ADAMTS15: variants seen among roughly 807,000 people sequenced by gnomAD.
The protein encoded by ADAMTS15 is ADAM metallopeptidase with thrombospondin type 1 motif 15, also known as A disintegrin and metalloproteinase with thrombospondin motifs 15.
A neutral mutation model predicts 79.1 loss-of-function variants in ADAMTS15; 35 were observed. The ratio of observed to expected loss-of-function variants is 0.44; its 90% CI spans 0.34 to 0.59. The LOEUF (loss-of-function observed/expected upper bound fraction) is 0.59. Ranked by LOEUF, ADAMTS15 falls within the 20% of genes least tolerant of loss-of-function variation. The pLI is 0.02. For synonymous variants in ADAMTS15, 616 were observed against 567.3 expected (o/e 1.09, Z -1.22); for missense variants, 1,324 against 1,318.7 (o/e 1.00, Z -0.06).
chr11:130,449,520 G>C lies in ADAMTS15; in HGVS notation c.547G>C (p.Ala183Pro), dbSNP rs1261325377. The stretch of plus-strand genomic sequence containing the variant: ...CGGGGTGGCCTCGGGCTGGAACCCC[G>C]CCATCCTACGGGCCCTGGACCCTTA... ...RCGVASGWNP[A>P]ILRALDPYKP... Residue 183 changes from alanine to proline, a missense_variant, in exon 1 of 8, where the codon GCC (alanine) becomes CCC (proline). By Grantham distance (27) the Ala-to-Pro change is conservative. Coordinates refer to ENST00000299164, the MANE Select transcript of ADAMTS15 (RefSeq NM_139055.4). This position sits in a 1 kb window ranked among gnomAD's most constrained non-coding sequence, Gnocchi z 7.8. 1.3e-6 allele frequency: 2 copies of C among 1,558,498 alleles called. No homozygotes were observed. The highest frequency in any genetic ancestry group is 3.6e-5 in the Admixed American group (2 of 55,700).
At chr11:130,450,573 G>A (rs1169563631) in intron 1 of ADAMTS15, among the ~76,000 whole-genome samples, 1 of 152,150 alleles carries the variant, frequency 6.6e-6, no homozygotes, top group African/African-American at 2.4e-5. Context: ...TTCTCTGCTG[G>A]GCATGGTCCA....
rs529278320 is a variant in ADAMTS15, at chr11:130,472,044, G to T, written c.2078+661G>T. 4.6e-5 allele frequency among the ~76,000 whole-genome samples: 7 copies of T among 152,368 alleles called. No homozygotes were observed. The East Asian group carries it at 7.7e-4, about 17-fold the overall frequency. On this transcript the variant is annotated intron_variant, in intron 7 of 7. Transcript: ENST00000299164. This position sits in a 1 kb window ranked among gnomAD's most constrained non-coding sequence, Gnocchi z 4.7. ...CCCTGGGCATCTAGTCCCAACTTCAGAATCTGGGCCTCCCAGCTTGAGCTT... is the reference window on the plus strand; with the variant it reads ...CCCTGGGCATCTAGTCCCAACTTCATAATCTGGGCCTCCCAGCTTGAGCTT...
chr11:130,471,125 AC>A (rs758569901), intron 6 of ADAMTS15, 24 bp downstream of exon 6: 1 of 1,605,208 alleles, frequency 6.2e-7, no homozygotes, highest in Non-Finnish European at 8.5e-7. Context: ...GGGCCTGAGA[AC>A]AAAGTAGGGA....
intron 1 of ADAMTS15, among the ~76,000 whole-genome samples, chr11:130,457,153 C>T (rs1416511021): frequency 6.6e-6 from 1 of 151,780 alleles, no homozygotes; most frequent in Non-Finnish European, 1.5e-5. Flanking sequence ...GATGCTTGAA[C>T]CCGGGAGGCA....
chr11:130,449,843 C>G lies in ADAMTS15; in HGVS notation c.870C>G (p.Arg290=), dbSNP rs1355710761. 5 of 1,608,032 alleles carry G rather than the reference C, an allele frequency of 3.1e-6. No individual in the cohort carries two copies. Among genetic ancestry groups the G allele is most frequent in the African/African-American group, 1.3e-5 (1 of 74,932 alleles). The change falls in exon 1 of 8, where the codon CGC becomes CGG. Residue 290 remains arginine, a synonymous_variant. Coordinates refer to ENST00000299164, the MANE Select transcript of ADAMTS15 (RefSeq NM_139055.4). This position sits in a 1 kb window ranked among gnomAD's most constrained non-coding sequence, Gnocchi z 7.8. ...CCGGCAATGCGGCCCTGACGCTGCGCAACTTCTGTGCCTGGCAGAAGAAGC... is the reference window on the plus strand; with the variant it reads ...CCGGCAATGCGGCCCTGACGCTGCGGAACTTCTGTGCCTGGCAGAAGAAGC... ...KVTGNAALTL[R]NFCAWQKKLN...
Position 130,461,578 on chromosome 11 carries a change from G to A in ADAMTS15, c.1047G>A (p.Glu349=), listed in dbSNP as rs1037101012. The change falls in exon 2 of 8, where the codon GAG becomes GAA. Residue 349 remains glutamate, a synonymous_variant. Transcript: ENST00000299164. ...CDPKRSCSVI[E]DDGLPSAFTT... ...CCAAGAGAAGCTGCTCTGTCATTGAGGACGATGGGCTTCCATCAGCCTTCA... is the reference window on the plus strand; with the variant it reads ...CCAAGAGAAGCTGCTCTGTCATTGAAGACGATGGGCTTCCATCAGCCTTCA... 7 of 1,614,178 alleles carry A rather than the reference G, an allele frequency of 4.3e-6. No individual in the cohort carries two copies. Among genetic ancestry groups the A allele is most frequent in the Non-Finnish European group, 5.1e-6 (6 of 1,180,034 alleles).
chr11:130,463,278 T>A (rs1257151119), intron 4 of ADAMTS15, among the ~76,000 whole-genome samples: 4 of 152,270 alleles, frequency 2.6e-5, no homozygotes, highest in Non-Finnish European at 2.9e-5. Context: ...GGCTGCATTC[T>A]GAATCAAGCT....
intron 1 of ADAMTS15, among the ~76,000 whole-genome samples, chr11:130,456,695 A>G (rs1938087279): frequency 6.6e-6 from 1 of 152,176 alleles, no homozygotes; most frequent in Non-Finnish European, 1.5e-5. Context: ...ACCAAAGAAC[A>G]TAGCTTTGGA....
rs558950716 is a variant in ADAMTS15, at chr11:130,472,680, C to CCCTCCTCCTCCTCCTCCT, written c.2079-356_2079-339dup. ...GGTGGACTTACTCCTCCCGCCCCACCCCTCCTCCTCCTCCTCCTCCTCCTC... is the reference window on the plus strand; with the variant it reads ...GGTGGACTTACTCCTCCCGCCCCACCCCTCCTCCTCCTCCTCCTCCTCCTCCTCCTCCTCCTCCTCCTC... On this transcript the variant is annotated intron_variant, in intron 7 of 7. Coordinates refer to ENST00000299164, the MANE Select transcript of ADAMTS15 (RefSeq NM_139055.4). This position sits in a 1 kb window ranked among gnomAD's most constrained non-coding sequence, Gnocchi z 4.7. Among the ~76,000 whole-genome samples the CCCTCCTCCTCCTCCTCCT allele has an allele frequency of 4.2e-5, 6 of 144,348 alleles. No individual in the cohort carries two copies. Among genetic ancestry groups the CCCTCCTCCTCCTCCTCCT allele is most frequent in the African/African-American group, 1.6e-4 (6 of 36,694 alleles). The allele number at this position is 144,348 out of a possible 152,430, so 94.7% of individuals were successfully genotyped here.
rs763378118 is a variant in ADAMTS15 at position 130,473,446 on chromosome 11, C to A, written c.2478C>A (p.Leu826=). The A allele has an allele frequency of 6.2e-7, 1 of 1,612,608 alleles. No homozygotes were observed. The highest frequency in any genetic ancestry group is 1.3e-5 in the African/African-American group (1 of 74,948). Residue 826 remains leucine (L), a synonymous_variant, in exon 8 of 8, where the codon CTC becomes CTA. Transcript: ENST00000299164. The part of the protein sequence containing the change: ...RGPSVLHNSV[L]SLSNQVEQPD... Reference sequence around the variant, plus strand: ...CCTCTGTCTTGCACAACAGCGTCCTCAGCCTCTCCAACCAGGTGGAGCAGC... The same window carrying A: ...CCTCTGTCTTGCACAACAGCGTCCTAAGCCTCTCCAACCAGGTGGAGCAGC...
chr11:130,474,133 C>A lies in ADAMTS15; in HGVS notation c.*312C>A. 1 of 299,700 alleles carries A rather than the reference C, an allele frequency of 3.3e-6. No individual in the cohort carries two copies. The highest frequency in any genetic ancestry group is 6.2e-6 in the Non-Finnish European group (1 of 161,882). The allele number at this position is 299,700 out of a possible 1,614,324, so 18.6% of individuals were successfully genotyped here. Reference sequence around the variant, plus strand: ...AAGGAACTTGGAGGATGGGCACCTTCCAGGCAGAACTTCAGGGACCCCGGC... The same window carrying A: ...AAGGAACTTGGAGGATGGGCACCTTACAGGCAGAACTTCAGGGACCCCGGC... On this transcript the variant is annotated 3_prime_UTR_variant, in exon 8 of 8. Transcript: ENST00000299164.
At chr11:130,457,759 A>G (rs1938116421) in intron 1 of ADAMTS15, among the ~76,000 whole-genome samples, 1 of 152,160 alleles carries the variant, frequency 6.6e-6, no homozygotes, top group Non-Finnish European at 1.5e-5. Flanking sequence ...TTGATGCCAC[A>G]AAGGAGGCAC....
chr11:130,471,240 C>T lies in ADAMTS15; in HGVS notation c.1935C>T (p.Ser645=). 1.2e-6 allele frequency: 2 copies of T among 1,608,248 alleles called. No homozygotes were observed. The highest frequency in any genetic ancestry group is 1.7e-6 in the Non-Finnish European group (2 of 1,178,078). ...ACGGCACGCTGTGCTCTCCTGACTC[C>T]ACCTCCGTCTGTGTCCAAGGCAAGT... ...VVDGTLCSPD[S]TSVCVQGKCI... Residue 645 remains serine, a synonymous_variant, in exon 7 of 8, where the codon TCC becomes TCT. Coordinates refer to ENST00000299164, the MANE Select transcript of ADAMTS15 (RefSeq NM_139055.4).
intron 2 of ADAMTS15, among the ~76,000 whole-genome samples, 180 bp downstream of exon 2, chr11:130,461,801 C>T (rs939901194): frequency 4.6e-5 from 7 of 152,172 alleles, no homozygotes; most frequent in Non-Finnish European, 8.8e-5. Flanking sequence ...TGGCCAATGA[C>T]GTGGTTTGAG....
intron 1 of ADAMTS15, among the ~76,000 whole-genome samples, chr11:130,451,501 A>T (rs941913935): frequency 6.6e-6 from 1 of 152,182 alleles, no homozygotes; most frequent in South Asian, 2.1e-4. Flanking sequence ...GCACTGCCTG[A>T]GTCATGGGGA....
intron 4 of ADAMTS15, among the ~76,000 whole-genome samples, chr11:130,465,705 C>T (rs555674207): frequency 2.6e-5 from 4 of 152,038 alleles, no homozygotes; most frequent in Non-Finnish European, 4.4e-5. Flanking sequence ...TTCCTCCCAT[C>T]GTCCAGCCGG....
intron 1 of ADAMTS15, among the ~76,000 whole-genome samples, chr11:130,460,942 C>A (rs1294669764): frequency 6.6e-6 from 1 of 152,224 alleles, no homozygotes; most frequent in African/African-American, 2.4e-5. Context: ...TGGGGTCCAC[C>A]TCAATGCTTC....
chr11:130,470,142 A>ACATG (rs1938396580), intron 5 of ADAMTS15, among the ~76,000 whole-genome samples: 1 of 63,438 alleles, frequency 1.6e-5, no homozygotes, highest in Admixed American at 1.5e-4. Context: ...ACATATATAT[A>ACATG]TATATATATG....
At chr11:130,470,171 T>TAC (rs1565397750) in intron 5 of ADAMTS15, among the ~76,000 whole-genome samples, 2 of 59,382 alleles carry the variant, frequency 3.4e-5, no homozygotes, top group Admixed American at 1.5e-4. Context: ...TATATATATA[T>TAC]ATATATATAT....
Sources: allele counts gnomAD v4.1 joint callset (sites outside exome capture counted in the v4.1 genomes callset), GRCh38; gene constraint gnomAD v4.1.1; non-coding constraint Gnocchi (gnomAD v3.1); transcripts MANE v1.5; gene names NCBI Gene and HGNC (gene_info 2026-07-23, HGNC 2026-07-21).